KIZ: variants seen among roughly 807,000 people sequenced by gnomAD.
The protein encoded by KIZ is kizuna centrosomal protein, also known as centrosomal protein kizuna.
KIZ carries 68 observed loss-of-function variants against 79.6 expected under a neutral mutation model. The observed-to-expected ratio is 0.85, with a 90% confidence interval of 0.70 to 1.05. KIZ has a LOEUF of 1.05. KIZ is among the 50% of genes least tolerant of loss of function. The pLI, the probability that KIZ is intolerant of heterozygous loss-of-function variation, is 0.00. For synonymous variants in KIZ, 280 were observed against 281.8 expected (o/e 0.99, Z 0.06); for missense variants, 797 against 800.4 (o/e 1.00, Z 0.05).
chr20:21,213,264 C>T (rs753809118), intron 7 of KIZ, among the ~76,000 whole-genome samples: 4 of 150,020 alleles, frequency 2.7e-5, no homozygotes, highest in Non-Finnish European at 4.4e-5. Context: ...GGCCTTCTTA[C>T]CGGGCCTTCC....
intron 6 of KIZ, among the ~76,000 whole-genome samples, chr20:21,175,573 G>A (rs1050195607): frequency 6.6e-6 from 1 of 152,120 alleles, no homozygotes; most frequent in Admixed American, 6.5e-5. Flanking sequence ...TCACAGCCCA[G>A]GTCACCAGAA....
chr20:21,146,488 A>C (rs1051065635), intron 4 of KIZ, among the ~76,000 whole-genome samples: 10 of 152,228 alleles, frequency 6.6e-5, no homozygotes, highest in African/African-American at 2.2e-4. Context: ...TCCTTGGAAG[A>C]GTGTGTGTGC....
intron 10 of KIZ, among the ~76,000 whole-genome samples, chr20:21,231,259 G>T (rs2036822924): frequency 6.6e-6 from 1 of 152,118 alleles, no homozygotes; most frequent in African/African-American, 2.4e-5. Context: ...AGGAGGCAGA[G>T]GTTGCAGTGA....
chr20:21,151,909 A>G (rs1389332232), intron 4 of KIZ: 1 of 152,228 alleles, frequency 6.6e-6, no homozygotes, highest in African/African-American at 2.4e-5. Context: ...AAAACACAGA[A>G]GCAGCCTGAA....
At chr20:21,137,474 CT>C (rs34442176) in intron 3 of KIZ, among the ~76,000 whole-genome samples, 12,870 of 136,334 alleles carry the variant, frequency 0.094, 764 homozygotes, top group African/African-American at 0.21. Context: ...GCCCCCCTAC[CT>C]TTTTTTTTTT....
chr20:21,190,515 T>C (rs1175773714), intron 6 of KIZ, among the ~76,000 whole-genome samples: 1 of 152,236 alleles, frequency 6.6e-6, no homozygotes, highest in African/African-American at 2.4e-5. Flanking sequence ...CTCTTATTGA[T>C]GAAGGTGCTA....
intron 6 of KIZ, among the ~76,000 whole-genome samples, chr20:21,184,219 A>G (rs953969817): frequency 2.0e-5 from 3 of 149,740 alleles, no homozygotes; most frequent in African/African-American, 4.9e-5. Flanking sequence ...GCGATCTCAG[A>G]TCACTGCAAC....
intron 6 of KIZ, among the ~76,000 whole-genome samples, chr20:21,188,444 A>G (rs115864411): frequency 0.013 from 1,954 of 152,306 alleles, 31 homozygotes; most frequent in African/African-American, 0.045. Context: ...TAGGTCTTCA[A>G]TCTGAAGGCT....
intron 6 of KIZ, among the ~76,000 whole-genome samples, chr20:21,164,707 G>A (rs1470495226): frequency 4.6e-5 from 5 of 107,956 alleles, no homozygotes; most frequent in Non-Finnish European, 9.0e-5. Context: ...GTCTCCATTC[G>A]AATGACTTTT....
chr20:21,160,120 A>G (rs2033585726), intron 4 of KIZ, among the ~76,000 whole-genome samples: 1 of 152,200 alleles, frequency 6.6e-6, no homozygotes. Flanking sequence ...GTCACCCCTG[A>G]CACAGTTGGC....
intron 6 of KIZ, among the ~76,000 whole-genome samples, chr20:21,168,756 A>C (rs1207976242): frequency 1.3e-5 from 2 of 152,100 alleles, no homozygotes; most frequent in Non-Finnish European, 2.9e-5. Flanking sequence ...TGGAACAGAA[A>C]AGAGCCCTCA....
At chr20:21,135,712 C>T (rs923965652) in intron 2 of KIZ, among the ~76,000 whole-genome samples, 3 of 152,056 alleles carry the variant, frequency 2.0e-5, no homozygotes, top group African/African-American at 7.3e-5. Context: ...TGAGAAAAGT[C>T]GACTACACAA....
In KIZ at chr20:21,163,158, G is replaced by A; in HGVS notation, c.1351G>A (p.Glu451Lys). The change falls in exon 6 of 13, where the codon GAA becomes AAA. Residue 451 changes from glutamate (E) to lysine (K), a missense_variant and splice_region_variant. Transcript: ENST00000619189. ...ATCCTCCACTAACGCACCAACAAGA[G>A]AGTAAGCCATTCAATTTTTTTTTTC... ...KESSTNAPTR[E>K]PGQTPDSDVP... is the part of the protein sequence containing the mutation. 1 of 1,589,544 alleles carries A rather than the reference G, an allele frequency of 6.3e-7. No homozygotes were observed. The highest frequency in any genetic ancestry group is 8.5e-7 in the Non-Finnish European group (1 of 1,169,790).
chr20:21,160,450 C>T (rs2033601094), intron 4 of KIZ, among the ~76,000 whole-genome samples: 1 of 152,172 alleles, frequency 6.6e-6, no homozygotes, highest in Non-Finnish European at 1.5e-5. Context: ...ACCCCTGCTT[C>T]TACCATGTAA....
intron 1 of KIZ, 65 bp from the exon 2 acceptor site, chr20:21,132,032 C>A: frequency 1.4e-6 from 1 of 723,206 alleles, no homozygotes; most frequent in Non-Finnish European, 2.4e-6. Context: ...CAAAGAAGAG[C>A]ATGGTCTAAA....
chr20:21,193,714 A>G (rs1216672027), intron 6 of KIZ, among the ~76,000 whole-genome samples: 2 of 151,800 alleles, frequency 1.3e-5, no homozygotes, highest in Non-Finnish European at 2.9e-5. Flanking sequence ...AGGGACATGG[A>G]TGAAACTGGA....
At chr20:21,231,387 A>G (rs899106860) in intron 10 of KIZ, among the ~76,000 whole-genome samples, 1 of 152,192 alleles carries the variant, frequency 6.6e-6, no homozygotes, top group African/African-American at 2.4e-5. Context: ...TTCGATGTGT[A>G]TCAGAAATTA....
At chr20:21,210,225 T>C (rs2036012030) in intron 7 of KIZ, among the ~76,000 whole-genome samples, 1 of 152,050 alleles carries the variant, frequency 6.6e-6, no homozygotes, top group African/African-American at 2.4e-5. Flanking sequence ...CAAGAATTGC[T>C]TGAACCTGGG....
At chr20:21,241,142 T>C (rs991781229) in intron 11 of KIZ, among the ~76,000 whole-genome samples, 1 of 152,248 alleles carries the variant, frequency 6.6e-6, no homozygotes, top group African/African-American at 2.4e-5. Flanking sequence ...TTTTCTTTCA[T>C]CTACTCTAGT....
Sources: gnomAD v4.1 joint callset for allele counts (sites outside exome capture counted in the v4.1 genomes callset) on GRCh38, gnomAD v4.1.1 for gene constraint, MANE v1.5 for transcripts, NCBI Gene and HGNC (gene_info 2026-07-23, HGNC 2026-07-21) for gene names.